Variants in NTRK3 observed in about 807,000 individuals in gnomAD.
The protein encoded by NTRK3 is NT-3 growth factor receptor.
In NTRK3, 24 loss-of-function variants were observed where a neutral mutation model predicts 91.7. That is an observed-to-expected ratio of 0.26 (90% confidence interval 0.19 to 0.37). The LOEUF is 0.37. NTRK3 is among the 10% of genes least tolerant of loss of function. The pLI, the probability that NTRK3 is intolerant of heterozygous loss-of-function variation, is 1.00. For missense variants in NTRK3, 880 were observed against 1,068.9 expected (o/e 0.82, Z 2.46); for synonymous variants, 483 against 404.0 (o/e 1.20, Z -2.34).
exon 19 of NTRK3, chr15:87,869,396 T>C (rs971596388): frequency 4.4e-6 from 1 of 227,188 alleles, no homozygotes; most frequent in African/African-American, 2.2e-5. Flanking sequence ...TTAATCTAGA[T>C]GTCAACATCG....
chr15:88,155,022 C>G (rs779062179), intron 5 of NTRK3, among the ~76,000 whole-genome samples: 8 of 152,086 alleles, frequency 5.3e-5, no homozygotes, highest in Non-Finnish European at 1.0e-4. Flanking sequence ...ATAGTTCTAC[C>G]AAAACACAGC....
intron 5 of NTRK3, among the ~76,000 whole-genome samples, chr15:88,180,364 C>T (rs894132985): frequency 1.3e-4 from 20 of 152,128 alleles, no homozygotes; most frequent in Admixed American, 6.5e-5. Context: ...TCTCATTTTC[C>T]GCAATCTACA....
At chr15:87,997,319 TAAG>T (rs1294859323) in intron 14 of NTRK3, among the ~76,000 whole-genome samples, 7 of 152,178 alleles carry the variant, frequency 4.6e-5, no homozygotes, top group Non-Finnish European at 2.9e-5. Context: ...GTGAGTGTCC[TAAG>T]AAGAGAGAGA....
intron 3 of NTRK3, among the ~76,000 whole-genome samples, chr15:88,228,731 A>C (rs977478892): frequency 7.2e-5 from 11 of 152,196 alleles, no homozygotes; most frequent in Non-Finnish European, 8.8e-5. Context: ...ACGCAGTAAC[A>C]GAGGGGAACT....
intron 3 of NTRK3, among the ~76,000 whole-genome samples, chr15:88,244,752 T>C (rs566266575): frequency 2.7e-4 from 41 of 152,354 alleles, no homozygotes; most frequent in Admixed American, 3.9e-4. Context: ...TCCTATCCCA[T>C]TGGATTCCTA....
At chr15:88,121,787 C>A (rs1200110419) in intron 13 of NTRK3, among the ~76,000 whole-genome samples, 1 of 152,224 alleles carries the variant, frequency 6.6e-6, no homozygotes, top group Non-Finnish European at 1.5e-5. Flanking sequence ...ATGCCAAATA[C>A]TTCACAAATC....
chr15:88,145,531 T>A (rs2042811362), intron 6 of NTRK3, among the ~76,000 whole-genome samples: 2 of 152,138 alleles, frequency 1.3e-5, no homozygotes, highest in South Asian at 4.1e-4. Context: ...AATCCCATGA[T>A]CCTCTGGGAG....
intron 13 of NTRK3, among the ~76,000 whole-genome samples, chr15:88,046,511 C>T (rs2142215836): frequency 6.6e-6 from 1 of 152,266 alleles, no homozygotes; most frequent in African/African-American, 2.4e-5. Context: ...GACAGTCAAC[C>T]AGGGGAGGAC....
chr15:88,192,293 C>T (rs2047468359), intron 3 of NTRK3, among the ~76,000 whole-genome samples: 1 of 152,170 alleles, frequency 6.6e-6, no homozygotes, highest in Admixed American at 6.5e-5. Flanking sequence ...CACCTGGGAG[C>T]CAGCCAGTTC....
At chr15:87,988,243 A>C (rs893125260) in intron 14 of NTRK3, among the ~76,000 whole-genome samples, 1 of 152,224 alleles carries the variant, frequency 6.6e-6, no homozygotes, top group African/African-American at 2.4e-5. Context: ...ATTGAGAGAT[A>C]TTCTACATGA....
At chr15:88,033,414 G>A (rs1275772572) in intron 13 of NTRK3, among the ~76,000 whole-genome samples, 4 of 150,980 alleles carry the variant, frequency 2.6e-5, no homozygotes, top group Non-Finnish European at 5.9e-5. Flanking sequence ...GGACTCAAGC[G>A]ATTCTCATGC....
At chr15:88,127,842 C>G (rs1597464707) in intron 11 of NTRK3, among the ~76,000 whole-genome samples, 1 of 152,200 alleles carries the variant, frequency 6.6e-6, no homozygotes, top group East Asian at 1.9e-4. Context: ...CTTTACCCAG[C>G]AAGGCCAGGA....
chr15:87,894,108 T>C (rs1314308235), intron 17 of NTRK3, among the ~76,000 whole-genome samples: 1 of 152,254 alleles, frequency 6.6e-6, no homozygotes, highest in Admixed American at 6.5e-5. Flanking sequence ...AAAGTGGTTA[T>C]GTGCATTAAG....
intron 14 of NTRK3, among the ~76,000 whole-genome samples, chr15:87,991,111 A>AC (rs938171938): frequency 6.6e-6 from 1 of 151,032 alleles, no homozygotes; most frequent in African/African-American, 2.4e-5. Flanking sequence ...ACCATCCCAC[A>AC]CCCCCCATGA....
intron 14 of NTRK3, chr15:87,981,137 G>C: frequency 6.5e-7 from 1 of 1,546,150 alleles, no homozygotes; most frequent in Non-Finnish European, 8.7e-7. Flanking sequence ...AATATATGGA[G>C]GCTTGATGAG....
chr15:88,235,978 T>TCTCCTAACCAAAACTCTCC lies in NTRK3; in HGVS notation c.248+19927_248+19928insGGAGAGTTTTGGTTAGGAG, dbSNP rs2051688991. Among the ~76,000 whole-genome samples, 1 of 152,168 alleles carries TCTCCTAACCAAAACTCTCC rather than the reference T, an allele frequency of 6.6e-6. No individual in the cohort carries two copies. The highest frequency in any genetic ancestry group is 2.4e-5 in the African/African-American group (1 of 41,436). On this transcript the variant is annotated intron_variant, in intron 3 of 18. Transcript: ENST00000394480. This position sits in a 1 kb window ranked among gnomAD's most constrained non-coding sequence, Gnocchi z 5.2. ...ATAAATGTGTCTCTCCTAACCCAGA[T>TCTCCTAACCAAAACTCTCC]TAATCAAAAACAGTCCTAGAGTGTA...
intron 14 of NTRK3, among the ~76,000 whole-genome samples, chr15:87,975,710 G>A (rs903083292): frequency 2.6e-5 from 4 of 152,228 alleles, no homozygotes; most frequent in African/African-American, 7.2e-5. Flanking sequence ...GACTCCAATC[G>A]CAGCTGGTTC....
At chr15:87,885,714 C>G (rs2065494768) in intron 17 of NTRK3, 1 of 1,388,634 alleles carries the variant, frequency 7.2e-7, no homozygotes, top group East Asian at 2.8e-5. Flanking sequence ...ATACAAAAAT[C>G]ATTTCCAGAT....
At chr15:87,995,011 T>C (rs947776279) in intron 14 of NTRK3, among the ~76,000 whole-genome samples, 7 of 152,244 alleles carry the variant, frequency 4.6e-5, no homozygotes, top group Non-Finnish European at 1.0e-4. Context: ...GTGATGTACC[T>C]TCAACTAATG....
Sources: gnomAD v4.1 joint callset for allele counts (sites outside exome capture counted in the v4.1 genomes callset) on GRCh38, gnomAD v4.1.1 for gene constraint, Gnocchi (gnomAD v3.1) non-coding constraint, MANE v1.5 for transcripts, NCBI Gene and HGNC (gene_info 2026-07-23, HGNC 2026-07-21) for gene names.